ZMIZ1: variants seen among roughly 807,000 people sequenced by gnomAD.
ZMIZ1 encodes zinc finger MIZ domain-containing protein 1.
In ZMIZ1, 17 loss-of-function variants were observed where a neutral mutation model predicts 113.9. The ratio of observed to expected loss-of-function variants is 0.15; its 90% CI spans 0.10 to 0.22. ZMIZ1 has a LOEUF of 0.22. ZMIZ1 is among the 10% of genes least tolerant of loss of function. The pLI, the probability that ZMIZ1 is intolerant of heterozygous loss-of-function variation, is 1.00. For missense variants in ZMIZ1, 1,059 were observed against 1,477.8 expected (o/e 0.72, Z 4.65); for synonymous variants, 607 against 603.1 (o/e 1.01, Z -0.09).
rs1170700807 is a variant in ZMIZ1, at chr10:79,289,764, T to A, written c.426-11T>A. 8.1e-6 allele frequency: 13 copies of A among 1,611,570 alleles called. No homozygotes were observed. The highest frequency in any genetic ancestry group is 1.0e-5 in the Non-Finnish European group (12 of 1,178,080). ...CAGGCCCTGAAGATCTCCCTCTGTC[T>A]CCCTCTGCAGTGATGGGTCGTTCCC... On this transcript the variant is annotated splice_polypyrimidine_tract_variant and intron_variant, in intron 8 of 24. Coordinates refer to ENST00000334512, the MANE Select transcript of ZMIZ1 (RefSeq NM_020338.4).
chr10:79,155,011 A>G (rs554056235), intron 3 of ZMIZ1, among the ~76,000 whole-genome samples: 1 of 152,052 alleles, frequency 6.6e-6, no homozygotes, highest in African/African-American at 2.4e-5. Flanking sequence ...GAGAGTAGTG[A>G]CTCTTAGTAT....
chr10:79,304,488 A>G (rs1854549011), intron 19 of ZMIZ1, among the ~76,000 whole-genome samples: 1 of 152,248 alleles, frequency 6.6e-6, no homozygotes, highest in Non-Finnish European at 1.5e-5. Flanking sequence ...ACCACTGTCC[A>G]GTTCATGCCT....
At position 79,272,005 on chromosome 10, in the gene ZMIZ1, A is replaced by G. The variant is rs189909517; in HGVS notation, c.281-5176A>G. Among the ~76,000 whole-genome samples, 6 of 152,346 alleles carry G rather than the reference A, an allele frequency of 3.9e-5. No individual in the cohort carries two copies. In the East Asian group the frequency reaches 1.2e-3, roughly 29 times the overall value. On this transcript the variant is annotated intron_variant, in intron 7 of 24. Coordinates refer to ENST00000334512, the MANE Select transcript of ZMIZ1 (RefSeq NM_020338.4). ...ACAGTAAGGCTGGGCTCAGTGGCTT[A>G]TGCCTGTAATCCAAGTACTTTGGGA...
chr10:79,252,198 C>T (rs1335596174), intron 7 of ZMIZ1, among the ~76,000 whole-genome samples: 2 of 152,166 alleles, frequency 1.3e-5, no homozygotes, highest in African/African-American at 4.8e-5. Context: ...GCTCCTGTAC[C>T]CACCCAGCCT....
rs201265689 is a variant in ZMIZ1 at position 79,293,478 on chromosome 10, C to G, written c.1055C>G (p.Ala352Gly). ...MGGSMNPASM[A>G]AGMTPSGMSG... ...GGCAGCATGAACCCCGCGAGCATGG[C>G]GGCTGGCATGACGCCCTCGGGGATG... The change falls in exon 12 of 25, where the codon GCG (alanine) becomes GGG (glycine). Residue 352 changes from alanine to glycine, a missense_variant. Physicochemically the swap from Ala to Gly is moderately conservative, Grantham distance 60. Transcript: ENST00000334512. The G allele has an allele frequency of 4.5e-6, 7 of 1,572,120 alleles. No homozygotes were observed. The highest frequency in any genetic ancestry group is 6.1e-6 in the Non-Finnish European group (7 of 1,156,634).
At chr10:79,094,882 G>T (rs946105952) in intron 1 of ZMIZ1, among the ~76,000 whole-genome samples, 1 of 152,048 alleles carries the variant, frequency 6.6e-6, no homozygotes, top group East Asian at 1.9e-4. Context: ...CCAGGAGGTC[G>T]AGGCTGTAGT....
chr10:79,153,418 T>A (rs1845782525), intron 3 of ZMIZ1, among the ~76,000 whole-genome samples: 1 of 152,240 alleles, frequency 6.6e-6, no homozygotes, highest in Admixed American at 6.5e-5. Flanking sequence ...AGGGCTGGAT[T>A]TGAACCTCAC....
intron 3 of ZMIZ1, among the ~76,000 whole-genome samples, chr10:79,143,148 C>A (rs1354922348): frequency 6.6e-6 from 1 of 152,194 alleles, no homozygotes; most frequent in Non-Finnish European, 1.5e-5. Context: ...TCCCGAGGAA[C>A]AAGTGTGCTC....
chr10:79,249,222 C>T (rs1850393854), intron 7 of ZMIZ1, among the ~76,000 whole-genome samples: 2 of 152,198 alleles, frequency 1.3e-5, no homozygotes, highest in Admixed American at 6.5e-5. Context: ...ATCCCCACAC[C>T]CAGCGTCCGG....
chr10:79,241,608 C>G (rs1849834790), intron 7 of ZMIZ1, among the ~76,000 whole-genome samples: 1 of 152,186 alleles, frequency 6.6e-6, no homozygotes, highest in South Asian at 2.1e-4. Context: ...TAACCAGCTT[C>G]TCGGAGGGAA....
chr10:79,275,183 C>A (rs905814105), intron 7 of ZMIZ1, among the ~76,000 whole-genome samples: 4 of 152,244 alleles, frequency 2.6e-5, no homozygotes, highest in African/African-American at 4.8e-5. Flanking sequence ...AATAGGCTGC[C>A]TTTCCAGCTG....
intron 2 of ZMIZ1, among the ~76,000 whole-genome samples, chr10:79,120,017 C>T (rs1046156917): frequency 1.3e-5 from 2 of 148,956 alleles, no homozygotes; most frequent in Non-Finnish European, 3.0e-5. Flanking sequence ...TGGCAAGCCC[C>T]ATAACAGTGG....
Position 79,306,237 on chromosome 10 carries a change from T to C in ZMIZ1, c.2561T>C (p.Ile854Thr), listed in dbSNP as rs1444604000. Residue 854 changes from isoleucine (I) to threonine (T), a missense_variant, in exon 22 of 25, where the codon ATC becomes ACC. Ile to Thr is a moderately conservative substitution (Grantham distance 89). Around this residue, in one of 6 missense-constraint regions of ZMIZ1, gnomAD observed 217 missense variants for 426.9 expected, o/e 0.51. Coordinates refer to ENST00000334512, the MANE Select transcript of ZMIZ1 (RefSeq NM_020338.4). Reference protein sequence around the residue: ...RFKTMSPSQMIMPNVMEMIAA... With the variant: ...RFKTMSPSQMTMPNVMEMIAA... Reference sequence around the variant, plus strand: ...AAGACCATGAGTCCCAGCCAGATGATCATGCCCAATGTCATGGAGATGATC... The same window carrying C: ...AAGACCATGAGTCCCAGCCAGATGACCATGCCCAATGTCATGGAGATGATC... 3 of 1,614,174 alleles carry C rather than the reference T, an allele frequency of 1.9e-6. No individual in the cohort carries two copies. Among genetic ancestry groups the C allele is most frequent in the Non-Finnish European group, 2.5e-6 (3 of 1,180,022 alleles).
intron 5 of ZMIZ1, among the ~76,000 whole-genome samples, chr10:79,206,402 A>C (rs953743725): frequency 1.3e-5 from 2 of 152,192 alleles, no homozygotes; most frequent in African/African-American, 2.4e-5. Context: ...ACTGAAATAA[A>C]CAGAACAACT....
chr10:79,177,319 C>G (rs1589381855), intron 4 of ZMIZ1, among the ~76,000 whole-genome samples: 1 of 152,206 alleles, frequency 6.6e-6, no homozygotes, highest in African/African-American at 2.4e-5. Flanking sequence ...GGCCTCGCCT[C>G]CTGGAGCTGT....
intron 1 of ZMIZ1, among the ~76,000 whole-genome samples, chr10:79,071,524 TC>T (rs1209877154): frequency 6.6e-6 from 1 of 152,182 alleles, no homozygotes; most frequent in Non-Finnish European, 1.5e-5. Flanking sequence ...TGTTGAGCTA[TC>T]GGGGAAGTTG....
chr10:79,154,911 GATA>G (rs1284525409), intron 3 of ZMIZ1, among the ~76,000 whole-genome samples: 1 of 152,218 alleles, frequency 6.6e-6, no homozygotes, highest in African/African-American at 2.4e-5. Flanking sequence ...CTGAGCCAGT[GATA>G]ATAATGACTT....
chr10:79,280,292 A>T (rs1852641961), intron 8 of ZMIZ1, among the ~76,000 whole-genome samples: 1 of 151,884 alleles, frequency 6.6e-6, no homozygotes, highest in Non-Finnish European at 1.5e-5. Context: ...ATTATTTTTA[A>T]AAGACAGGGT....
intron 1 of ZMIZ1, among the ~76,000 whole-genome samples, chr10:79,111,913 C>G (rs1433303508): frequency 6.6e-6 from 1 of 152,216 alleles, no homozygotes; most frequent in Non-Finnish European, 1.5e-5. Context: ...AGAATTCAGT[C>G]TAGTGTAAAG....
Sources: allele counts gnomAD v4.1 joint callset (sites outside exome capture counted in the v4.1 genomes callset), GRCh38; gene constraint gnomAD v4.1.1; regional missense constraint gnomAD v4.1.1; transcripts MANE v1.5; gene names NCBI Gene and HGNC (gene_info 2026-07-23, HGNC 2026-07-21).